MYO1D: variants seen among roughly 807,000 people sequenced by gnomAD.
The protein encoded by MYO1D is unconventional myosin-Id.
Under a neutral mutation model 122.0 loss-of-function variants are expected in MYO1D, and 83 were observed. The observed-to-expected ratio is 0.68, with a 90% CI of 0.57 to 0.82. The LOEUF (loss-of-function observed/expected upper bound fraction) is 0.82. MYO1D is among the 40% of genes least tolerant of loss of function. The pLI, the probability that MYO1D is intolerant of heterozygous loss-of-function variation, is 0.00. For synonymous variants in MYO1D, 464 were observed against 446.9 expected (o/e 1.04, Z -0.48); for missense variants, 1,157 against 1,269.5 (o/e 0.91, Z 1.35).
chr17:32,572,711 A>C (rs2087243044), intron 21 of MYO1D, among the ~76,000 whole-genome samples: 1 of 151,924 alleles, frequency 6.6e-6, no homozygotes, highest in Admixed American at 6.6e-5. Context: ...TCTTCCCTTC[A>C]TTCACTCTGC....
chr17:32,844,271 TATATG>T (rs1030796624), intron 1 of MYO1D, among the ~76,000 whole-genome samples: 6 of 147,022 alleles, frequency 4.1e-5, no homozygotes, highest in African/African-American at 1.5e-4. Context: ...GTATATATCA[TATATG>T]ATATATATAT....
At chr17:32,695,401 C>A (rs771264770) in intron 16 of MYO1D, among the ~76,000 whole-genome samples, 3 of 152,234 alleles carry the variant, frequency 2.0e-5, no homozygotes, top group Non-Finnish European at 4.4e-5. Flanking sequence ...CAGTACCAGT[C>A]TGCCACTTGG....
chr17:32,809,352 C>T (rs1456280335), intron 1 of MYO1D, among the ~76,000 whole-genome samples: 1 of 151,708 alleles, frequency 6.6e-6, no homozygotes, highest in Non-Finnish European at 1.5e-5. Flanking sequence ...TCTTGCACTC[C>T]TGGCCTCAAG....
Position 32,578,004 on chromosome 17 carries a change from G to C in MYO1D, c.2864+27083C>G, listed in dbSNP as rs968720159. On this transcript the variant is annotated intron_variant, in intron 21 of 21. Coordinates refer to ENST00000318217, the MANE Select transcript of MYO1D (RefSeq NM_015194.3). ...TCCGCCCATCTCGGCCTCCCAAAGC[G>C]CTGGGATTACAGGCGTGAGCCACCG... Among the ~76,000 whole-genome samples the C allele has an allele frequency of 2.6e-5, 4 of 152,264 alleles. No homozygotes were observed. The East Asian group carries it at 5.8e-4, about 22-fold the overall frequency.
At chr17:32,814,872 T>C (rs760573011) in intron 1 of MYO1D, among the ~76,000 whole-genome samples, 1 of 152,212 alleles carries the variant, frequency 6.6e-6, no homozygotes, top group Non-Finnish European at 1.5e-5. Flanking sequence ...TTCAGTGACA[T>C]GTCCGACAAA....
chr17:32,644,744 T>A (rs181437564), intron 19 of MYO1D, among the ~76,000 whole-genome samples: 1 of 152,122 alleles, frequency 6.6e-6, no homozygotes, highest in African/African-American at 2.4e-5. Flanking sequence ...AACCCCTGCC[T>A]TTTTTTGTTT....
At chr17:32,517,167 A>G (rs1247061049) in intron 21 of MYO1D, among the ~76,000 whole-genome samples, 1 of 152,252 alleles carries the variant, frequency 6.6e-6, no homozygotes, top group Non-Finnish European at 1.5e-5. Flanking sequence ...TGGAGCTGGA[A>G]GTCAGACACC....
At chr17:32,509,980 G>C (rs1909633297) in intron 21 of MYO1D, 1 of 152,188 alleles carries the variant, frequency 6.6e-6, no homozygotes, top group Non-Finnish European at 1.5e-5. Context: ...TATTTATTAA[G>C]AATTTACTAG....
At chr17:32,495,701 C>T (rs547460324) in intron 21 of MYO1D, 29 of 152,556 alleles carry the variant, frequency 1.9e-4, no homozygotes, top group African/African-American at 7.0e-4. Flanking sequence ...AGCAGAGACA[C>T]TTGTCGCGAT....
At chr17:32,633,341 T>A (rs914832949) in intron 20 of MYO1D, among the ~76,000 whole-genome samples, 90 of 151,194 alleles carry the variant, frequency 6.0e-4, no homozygotes, top group Non-Finnish European at 5.2e-4. Flanking sequence ...GTACATATAA[T>A]CAATATTAGG....
intron 16 of MYO1D, among the ~76,000 whole-genome samples, chr17:32,677,298 C>A (rs759386528): frequency 2.8e-4 from 43 of 152,150 alleles, no homozygotes; most frequent in Non-Finnish European, 5.4e-4. Context: ...ATTTTATAAT[C>A]ACTCCATGAA....
At chr17:32,606,623 G>T (rs1053878047) in intron 20 of MYO1D, among the ~76,000 whole-genome samples, 5 of 152,162 alleles carry the variant, frequency 3.3e-5, no homozygotes, top group African/African-American at 1.2e-4. Flanking sequence ...AAGTGACACA[G>T]AAAAAGTACT....
chr17:32,635,270 T>C (rs1009352910), intron 20 of MYO1D, among the ~76,000 whole-genome samples: 6 of 152,168 alleles, frequency 3.9e-5, no homozygotes, highest in African/African-American at 1.4e-4. Context: ...GGCAGAAACA[T>C]AGGCTATGCA....
At chr17:32,516,665 C>T (rs566046168) in intron 21 of MYO1D, among the ~76,000 whole-genome samples, 2 of 152,352 alleles carry the variant, frequency 1.3e-5, no homozygotes, top group South Asian at 4.1e-4. Flanking sequence ...CGCAGACACA[C>T]TTCCAATAGA....
intron 1 of MYO1D, among the ~76,000 whole-genome samples, chr17:32,832,412 G>C (rs2090780470): frequency 6.6e-6 from 1 of 150,880 alleles, no homozygotes; most frequent in South Asian, 2.1e-4. Flanking sequence ...CCTTTCTCCT[G>C]CCTCAGCCTC....
At chr17:32,871,569 G>T (rs2151093815) in intron 1 of MYO1D, among the ~76,000 whole-genome samples, 1 of 152,336 alleles carries the variant, frequency 6.6e-6, no homozygotes, top group African/African-American at 2.4e-5. Flanking sequence ...ATATCAGACT[G>T]AATAGATGCT....
At chr17:32,544,711 G>T (rs1333211182) in intron 21 of MYO1D, among the ~76,000 whole-genome samples, 1 of 152,162 alleles carries the variant, frequency 6.6e-6, no homozygotes, top group African/African-American at 2.4e-5. Flanking sequence ...AGGCAACTAT[G>T]TGTTCTTTGC....
At chr17:32,835,094 C>G (rs544589266) in intron 1 of MYO1D, among the ~76,000 whole-genome samples, 1 of 152,046 alleles carries the variant, frequency 6.6e-6, no homozygotes, top group African/African-American at 2.4e-5. Flanking sequence ...AGGTCCTGCA[C>G]AGTCTGGTCC....
intron 1 of MYO1D, among the ~76,000 whole-genome samples, chr17:32,813,766 A>G: frequency 6.6e-6 from 1 of 152,218 alleles, no homozygotes; most frequent in East Asian, 1.9e-4. Flanking sequence ...TATGGAGACC[A>G]GTTAAGAGAC....
Sources: allele counts gnomAD v4.1 joint callset (sites outside exome capture counted in the v4.1 genomes callset), GRCh38; gene constraint gnomAD v4.1.1; transcripts MANE v1.5; gene names NCBI Gene and HGNC (gene_info 2026-07-23, HGNC 2026-07-21).